STIM1: variants seen among roughly 807,000 people sequenced by gnomAD.
STIM1 encodes the protein stromal interaction molecule 1.
A neutral mutation model predicts 74.7 loss-of-function variants in STIM1; 25 were observed. The ratio of observed to expected loss-of-function variants is 0.33; its 90% CI spans 0.24 to 0.47. The LOEUF is 0.47. Ranked by LOEUF, STIM1 falls within the 20% of genes least tolerant of loss-of-function variation. The pLI is 1.00. For synonymous variants in STIM1, 328 were observed against 348.8 expected, an observed-to-expected ratio of 0.94 and a Z score of 0.66; for missense variants, 728 against 920.8, an observed-to-expected ratio of 0.79 and a Z score of 2.71.
chr11:3,966,326 C>G lies in STIM1; in HGVS notation c.140-1226C>G, dbSNP rs556230651. On this transcript the variant is annotated intron_variant, in intron 1 of 12. Coordinates refer to ENST00000526596, the MANE Select transcript of STIM1 (RefSeq NM_001382567.1). Reference sequence around the variant, plus strand: ...TTAAAATTTAATATTTATACTCCTCCCTTATTTTGAAAAGGATTTGAATAA... The same window carrying G: ...TTAAAATTTAATATTTATACTCCTCGCTTATTTTGAAAAGGATTTGAATAA... Among the ~76,000 whole-genome samples, 159 of 152,264 alleles carry G rather than the reference C, an allele frequency of 1.0e-3. 1 individual carries two copies. The highest frequency in any genetic ancestry group is 3.7e-3 in the African/African-American group (152 of 41,536).
rs145431921 is a variant in STIM1 at position 4,082,754 on chromosome 11, T to C, written c.1138-128T>C. ...CCTGCCTTTCTCTTTTTCCTCTTTC[T>C]CTTCCCTTTCCTTGTACAGCCTCAG... On this transcript the variant is annotated intron_variant, in intron 8 of 12. Transcript: ENST00000526596. 1.2e-3 allele frequency: 880 copies of C among 750,460 alleles called. 5 individuals carry two copies. In the African/African-American group the frequency reaches 0.014, roughly 12 times the overall value. The allele number at this position is 750,460 out of a possible 1,614,324, so 46.5% of individuals were successfully genotyped here.
At chr11:4,087,643 A>AT (rs1328255921) in intron 12 of STIM1, among the ~76,000 whole-genome samples, 5 of 152,080 alleles carry the variant, frequency 3.3e-5, no homozygotes, top group Non-Finnish European at 7.4e-5. Flanking sequence ...TCACATTTGC[A>AT]TTTTAGAAAT....
At chr11:3,941,303 C>A (rs2093001952) in intron 1 of STIM1, among the ~76,000 whole-genome samples, 1 of 152,044 alleles carries the variant, frequency 6.6e-6, no homozygotes, top group African/African-American at 2.4e-5. Flanking sequence ...AAGTGGTAAG[C>A]AAGGTGAGGC....
At chr11:4,036,672 C>T (rs1452000589) in intron 3 of STIM1, among the ~76,000 whole-genome samples, 2 of 152,146 alleles carry the variant, frequency 1.3e-5, no homozygotes, top group Non-Finnish European at 2.9e-5. Flanking sequence ...AGTATCTGTT[C>T]ATGTCTTTTG....
At chr11:4,047,472 T>C (rs2094202090) in intron 3 of STIM1, among the ~76,000 whole-genome samples, 1 of 152,144 alleles carries the variant, frequency 6.6e-6, no homozygotes, top group East Asian at 1.9e-4. Context: ...AGAAATTAAC[T>C]GGGTGTGGCG....
intron 1 of STIM1, among the ~76,000 whole-genome samples, chr11:3,935,596 A>G (rs557541168): frequency 9.8e-5 from 15 of 152,364 alleles, no homozygotes; most frequent in Admixed American, 3.9e-4. Flanking sequence ...AAGACTAACG[A>G]AAGCAGATTC....
chr11:4,009,145 AT>A (rs1351364776), intron 2 of STIM1, among the ~76,000 whole-genome samples: 3 of 151,538 alleles, frequency 2.0e-5, no homozygotes, highest in Non-Finnish European at 4.4e-5. Context: ...AAAAAAAAAA[AT>A]TAGCCGGGTG....
At chr11:4,060,002 T>C (rs902701974) in intron 5 of STIM1, among the ~76,000 whole-genome samples, 3 of 152,200 alleles carry the variant, frequency 2.0e-5, no homozygotes, top group Admixed American at 6.5e-5. Context: ...ATTGTAGACA[T>C]GTAGAGTGCA....
intron 5 of STIM1, among the ~76,000 whole-genome samples, chr11:4,067,232 T>C (rs1590686831): frequency 6.6e-6 from 1 of 152,158 alleles, no homozygotes; most frequent in African/African-American, 2.4e-5. Context: ...ATATAACAAA[T>C]TGGGGCAGAG....
chr11:4,052,654 A>T (rs966898138), intron 3 of STIM1, among the ~76,000 whole-genome samples: 1 of 152,224 alleles, frequency 6.6e-6, no homozygotes, highest in East Asian at 1.9e-4. Context: ...AACCTAGGCA[A>T]TACCATTCAG....
chr11:4,054,341 T>G (rs2094270480), intron 3 of STIM1, among the ~76,000 whole-genome samples: 2 of 152,174 alleles, frequency 1.3e-5, no homozygotes, highest in African/African-American at 2.4e-5. Context: ...CTTTGTGACA[T>G]GGCTTCAACC....
At chr11:4,081,730 A>T (rs1180743246) in intron 7 of STIM1, among the ~76,000 whole-genome samples, 4 of 152,186 alleles carry the variant, frequency 2.6e-5, no homozygotes, top group Non-Finnish European at 4.4e-5. Context: ...GGGTCACACA[A>T]CCAGTTAAGC....
At chr11:3,985,979 TA>T (rs1451530957) in intron 2 of STIM1, among the ~76,000 whole-genome samples, 6 of 152,236 alleles carry the variant, frequency 3.9e-5, no homozygotes, top group Admixed American at 2.0e-4. Context: ...TCCTCACTTA[TA>T]AATACCTCCT....
chr11:3,862,688 T>C (rs1271457830), intron 1 of STIM1, among the ~76,000 whole-genome samples: 1 of 152,116 alleles, frequency 6.6e-6, no homozygotes. Context: ...CCTCGTGATC[T>C]GTCCGCCTTG....
chr11:4,091,981 G>A lies in STIM1; in HGVS notation c.*183G>A, dbSNP rs2133267312. The A allele has an allele frequency of 1.2e-6, 1 of 824,622 alleles. No individual in the cohort carries two copies. Among genetic ancestry groups the A allele is most frequent in the South Asian group, 1.7e-5 (1 of 59,930 alleles). 51.1% of individuals were successfully genotyped at this position (824,622 alleles called of 1,614,324 possible). A position where few individuals can be genotyped will look rare whatever the true frequency, so the allele number is the denominator to read the frequency against. The stretch of plus-strand genomic sequence containing the variant: ...GGTCCTTCATTATTATTTATTAACT[G>A]ACCACCATGGCCTGCCTGCCCTGCC... On this transcript the variant is annotated 3_prime_UTR_variant, in exon 13 of 13. Transcript: ENST00000526596.
chr11:4,043,458 C>G (rs2094164388), intron 3 of STIM1, among the ~76,000 whole-genome samples: 1 of 152,008 alleles, frequency 6.6e-6, no homozygotes, highest in South Asian at 2.1e-4. Context: ...GTAAGTGATA[C>G]TTTTTTGTGA....
intron 1 of STIM1, among the ~76,000 whole-genome samples, chr11:3,964,084 A>G (rs2093316906): frequency 1.3e-5 from 2 of 152,216 alleles, no homozygotes; most frequent in Non-Finnish European, 2.9e-5. Context: ...TTATTTTGCA[A>G]ATGAGAAATT....
At chr11:3,977,560 A>G (rs571056784) in intron 2 of STIM1, among the ~76,000 whole-genome samples, 8 of 152,362 alleles carry the variant, frequency 5.3e-5, no homozygotes, top group African/African-American at 1.9e-4. Flanking sequence ...TTTCATGAAG[A>G]TGTTGCAAAT....
At chr11:4,003,311 T>C (rs2093739743) in intron 2 of STIM1, among the ~76,000 whole-genome samples, 1 of 151,128 alleles carries the variant, frequency 6.6e-6, no homozygotes, top group Non-Finnish European at 1.5e-5. Flanking sequence ...ACCAATATCC[T>C]TGATGAACAT....
Sources: gnomAD v4.1 joint callset for allele counts (sites outside exome capture counted in the v4.1 genomes callset) on GRCh38, gnomAD v4.1.1 for gene constraint, MANE v1.5 for transcripts, NCBI Gene and HGNC (gene_info 2026-07-23, HGNC 2026-07-21) for gene names.